Variants in FBH1 observed in about 807,000 individuals in gnomAD.
FBH1 encodes F-box DNA helicase 1.
FBH1 carries 43 observed loss-of-function variants against 115.5 expected under a neutral mutation model. The observed-to-expected ratio is 0.37, with a 90% CI of 0.29 to 0.48. The LOEUF is 0.48. Ranked by LOEUF, FBH1 falls within the 20% of genes least tolerant of loss-of-function variation. FBH1 has a pLI of 0.99. For missense variants in FBH1, 1,001 were observed against 1,337.3 expected (o/e 0.75, Z 3.92); for synonymous variants, 524 against 507.8 (o/e 1.03, Z -0.43).
chr10:5,909,150 G>A lies in FBH1; in HGVS notation c.885-9G>A, dbSNP rs1831402170. On this transcript the variant is annotated splice_polypyrimidine_tract_variant and intron_variant, in intron 4 of 20. Transcript: ENST00000362091. The surrounding 1 kb of genome is among the most constrained non-coding windows in gnomAD (Gnocchi z 4.4). ...CCTACTCATGGCCTCTCCTGTGAAT[G>A]TCTTACAGATACACAGCCACCACTA... 1.9e-6 allele frequency: 3 copies of A among 1,613,644 alleles called. No individual in the cohort carries two copies. The highest frequency in any genetic ancestry group is 2.7e-5 in the African/African-American group (2 of 75,038).
Position 5,911,143 on chromosome 10 carries a change from G to T in FBH1, c.1211+15G>T, listed in dbSNP as rs556202914. On this transcript the variant is annotated intron_variant, in intron 6 of 20. Transcript: ENST00000362091. The surrounding 1 kb of genome is among the most constrained non-coding windows in gnomAD (Gnocchi z 5.4). ...ATCAGCAATAGGTAATGCCCCGGGA[G>T]GAGGGGAGGGGATGCTGTGATAATG... 4.9e-5 allele frequency: 78 copies of T among 1,599,898 alleles called. No homozygotes were observed. The highest frequency in any genetic ancestry group is 3.2e-4 in the South Asian group (29 of 89,892).
intron 1 of FBH1, among the ~76,000 whole-genome samples, chr10:5,891,497 G>A (rs1842725638): frequency 1.3e-5 from 2 of 152,190 alleles, no homozygotes; most frequent in African/African-American, 4.8e-5. Context: ...CATGCTTTTT[G>A]CTTTTACCCC....
chr10:5,916,545 AGTGTT>A, intron 10 of FBH1, 89 bp downstream of exon 10: 1 of 1,050,906 alleles, frequency 9.5e-7, no homozygotes, highest in Non-Finnish European at 1.3e-6. Flanking sequence ...AAACAGGGGA[AGTGTT>A]AGGGGTCTGA....
Position 5,915,052 on chromosome 10 carries a change from C to T in FBH1, c.1397-351C>T, listed in dbSNP as rs1204078921. Among the ~76,000 whole-genome samples the T allele has an allele frequency of 6.6e-6, 1 of 152,172 alleles. No homozygotes were observed. Reference sequence around the variant, plus strand: ...CTCTCTCCAGAGACATGCCTTCCCCCTCCCTAACCCTACCCTCCTATCCTG... The same window carrying T: ...CTCTCTCCAGAGACATGCCTTCCCCTTCCCTAACCCTACCCTCCTATCCTG... On this transcript the variant is annotated intron_variant, in intron 8 of 20. Transcript: ENST00000362091. This position sits in a 1 kb window ranked among gnomAD's most constrained non-coding sequence, Gnocchi z 5.2.
chr10:5,892,313 G>T (rs958499982), intron 1 of FBH1, among the ~76,000 whole-genome samples: 1 of 152,146 alleles, frequency 6.6e-6, no homozygotes, highest in South Asian at 2.1e-4. Flanking sequence ...ATGCCCATTG[G>T]TACACTGATC....
rs148652871 is a variant in FBH1, at chr10:5,893,651, C to T, written c.1+3305C>T. 4.1e-3 allele frequency among the ~76,000 whole-genome samples: 619 copies of T among 152,290 alleles called. 2 individuals are homozygous for T. Among genetic ancestry groups the T allele is most frequent in the African/African-American group, 0.013 (534 of 41,560 alleles). ...AACTTGCCTAACTCTATTTATGTTT[C>T]TTTACTATCATAACACTTCATGCAT... On this transcript the variant is annotated intron_variant, in intron 1 of 20. Coordinates refer to ENST00000362091, the MANE Select transcript of FBH1 (RefSeq NM_178150.3).
chr10:5,914,374 C>A lies in FBH1; in HGVS notation c.1396+105C>A. The A allele has an allele frequency of 1.1e-6, 1 of 925,564 alleles. No individual in the cohort carries two copies. Among genetic ancestry groups the A allele is most frequent in the Non-Finnish European group, 1.7e-6 (1 of 573,880 alleles). 57.3% of individuals were successfully genotyped at this position (925,564 alleles called of 1,614,324 possible). ...GGCATCTTTGCTCTGATCTGTCATCCAACTAATAATTCAATAACAGATCAA... is the reference window on the plus strand; with the variant it reads ...GGCATCTTTGCTCTGATCTGTCATCAAACTAATAATTCAATAACAGATCAA... On this transcript the variant is annotated intron_variant, in intron 8 of 20. Transcript: ENST00000362091. This position sits in a 1 kb window ranked among gnomAD's most constrained non-coding sequence, Gnocchi z 5.2.
chr10:5,931,825 G>A lies in FBH1; in HGVS notation c.2829+4284G>A, dbSNP rs2132120664. ...TTGATTTAATGATCTTTCTTGATGT[G>A]TAAGGCCTGTTAATGTTTTCAAAGT... is the stretch of plus-strand genomic sequence containing the variant. On this transcript the variant is annotated intron_variant, in intron 19 of 20. Transcript: ENST00000362091. The surrounding 1 kb of genome is among the most constrained non-coding windows in gnomAD (Gnocchi z 4.3). 6.6e-6 allele frequency among the ~76,000 whole-genome samples: 1 copy of A among 152,296 alleles called. No individual in the cohort carries two copies. Among genetic ancestry groups the A allele is most frequent in the Middle Eastern group, 3.4e-3 (1 of 294 alleles).
intron 18 of FBH1, among the ~76,000 whole-genome samples, chr10:5,926,875 A>G (rs1400052158): frequency 6.6e-6 from 1 of 152,118 alleles, no homozygotes; most frequent in Non-Finnish European, 1.5e-5. Context: ...TCGAGATGGG[A>G]GATGAGAGGT....
chr10:5,890,370 A>G (rs1198651606), intron 1 of FBH1, 24 bp downstream of exon 1: 5 of 370,618 alleles, frequency 1.3e-5, no homozygotes, highest in African/African-American at 6.4e-5. Context: ...CAGACGTGGC[A>G]GGGAGTGTGG....
chr10:5,896,774 C>G (rs1433300146), intron 1 of FBH1, among the ~76,000 whole-genome samples: 1 of 152,052 alleles, frequency 6.6e-6, no homozygotes, highest in Non-Finnish European at 1.5e-5. Context: ...TCATTCACCA[C>G]AGATAATTTC....
At chr10:5,890,495 G>C (rs1391045004) in intron 1 of FBH1, 149 bp downstream of exon 1, 3 of 293,458 alleles carry the variant, frequency 1.0e-5, no homozygotes, top group Non-Finnish European at 2.0e-5. Flanking sequence ...GCAAGCGCGG[G>C]CGTGGGGGCT....
rs1035724260 is a variant in FBH1, at chr10:5,894,291, T to G, written c.1+3945T>G. 17 of 1,459,714 alleles carry G rather than the reference T, an allele frequency of 1.2e-5. No individual in the cohort carries two copies. The South Asian group carries it at 2.2e-4, about 19-fold the overall frequency. The allele number at this position is 1,459,714 out of a possible 1,614,324, so 90.4% of individuals were successfully genotyped here. ...TTTAGTGGTATTTTCCTTATAGTTA[T>G]GTTTTCCAAATACTTCTCAATTTCT... On this transcript the variant is annotated intron_variant, in intron 1 of 20. Coordinates refer to ENST00000362091, the MANE Select transcript of FBH1 (RefSeq NM_178150.3).
rs1832139660 is a variant in FBH1, at chr10:5,918,839, A to G, written c.2100+361A>G. 6.6e-6 allele frequency among the ~76,000 whole-genome samples: 1 copy of G among 152,268 alleles called. No individual in the cohort carries two copies. Among genetic ancestry groups the G allele is most frequent in the African/African-American group, 2.4e-5 (1 of 41,470 alleles). On this transcript the variant is annotated intron_variant, in intron 13 of 20. Coordinates refer to ENST00000362091, the MANE Select transcript of FBH1 (RefSeq NM_178150.3). The surrounding 1 kb of genome is among the most constrained non-coding windows in gnomAD (Gnocchi z 4.0). ...TGCGACTTCAGGGAAAATAACTGAC[A>G]GTGTTTGTTGTCAAAAGTAACATCT...
intron 19 of FBH1, among the ~76,000 whole-genome samples, chr10:5,930,619 T>C (rs2031230): frequency 0.13 from 19,418 of 151,190 alleles, 2,413 homozygotes; most frequent in African/African-American, 0.33. Flanking sequence ...TCCTTAGGAG[T>C]AGGTTAGTTT....
rs1023623589 is a variant in FBH1, at chr10:5,914,912, G to A, written c.1397-491G>A. Among the ~76,000 whole-genome samples the A allele has an allele frequency of 2.6e-5, 4 of 152,086 alleles. No homozygotes were observed. Among genetic ancestry groups the A allele is most frequent in the Non-Finnish European group, 5.9e-5 (4 of 68,024 alleles). On this transcript the variant is annotated intron_variant, in intron 8 of 20. Transcript: ENST00000362091. The surrounding 1 kb of genome is among the most constrained non-coding windows in gnomAD (Gnocchi z 5.2). ...ATTGTGCTGATCCTGATAGCATTCC[G>A]TAAGGTTGCTTAGTTATTCTTGTTT... is the stretch of plus-strand genomic sequence containing the variant.
Position 5,910,157 on chromosome 10 carries a change from C to T in FBH1, c.1021-781C>T, listed in dbSNP as rs1831485739. 6.6e-6 allele frequency among the ~76,000 whole-genome samples: 1 copy of T among 152,048 alleles called. No individual in the cohort carries two copies. The highest frequency in any genetic ancestry group is 2.4e-5 in the African/African-American group (1 of 41,388). On this transcript the variant is annotated intron_variant, in intron 5 of 20. Transcript: ENST00000362091. This position sits in a 1 kb window ranked among gnomAD's most constrained non-coding sequence, Gnocchi z 4.8. Reference sequence around the variant, plus strand: ...ATTAGCCGAGCATGGTGGCATGTGCCTGTAGTACTGGCTACTCTGGAGGCT... The same window carrying T: ...ATTAGCCGAGCATGGTGGCATGTGCTTGTAGTACTGGCTACTCTGGAGGCT...
At chr10:5,896,826 C>G (rs1843032930) in intron 1 of FBH1, among the ~76,000 whole-genome samples, 1 of 152,096 alleles carries the variant, frequency 6.6e-6, no homozygotes, top group Non-Finnish European at 1.5e-5. Context: ...AGTAAATGCC[C>G]TTTACAGGAG....
chr10:5,933,673 C>T lies in FBH1; in HGVS notation c.2830-2783C>T, dbSNP rs1454696920. Among the ~76,000 whole-genome samples the T allele has an allele frequency of 1.3e-5, 2 of 150,926 alleles. No homozygotes were observed. The highest frequency in any genetic ancestry group is 2.9e-5 in the Non-Finnish European group (2 of 67,808). The stretch of plus-strand genomic sequence containing the variant: ...TTTTTTTTTTTAAAAAACAGAGTCT[C>T]ACTCTGTCGCCCAGGCTGGAGGGCA... On this transcript the variant is annotated intron_variant, in intron 19 of 20. Transcript: ENST00000362091. This position sits in a 1 kb window ranked among gnomAD's most constrained non-coding sequence, Gnocchi z 4.9.
Sources: allele counts gnomAD v4.1 joint callset (sites outside exome capture counted in the v4.1 genomes callset), GRCh38; gene constraint gnomAD v4.1.1; non-coding constraint Gnocchi (gnomAD v3.1); transcripts MANE v1.5; gene names NCBI Gene and HGNC (gene_info 2026-07-23, HGNC 2026-07-21).